WDR41: variants seen among roughly 807,000 people sequenced by gnomAD.
WDR41 encodes WD repeat-containing protein 41.
Under a neutral mutation model 69.3 loss-of-function variants are expected in WDR41, and 63 were observed. The ratio of observed to expected loss-of-function variants is 0.91; its 90% CI spans 0.74 to 1.12. The LOEUF (loss-of-function observed/expected upper bound fraction) is 1.12, where lower values mean the gene tolerates loss of function less well. Among genes scored for constraint, WDR41 ranks in the 50% most tolerant of loss-of-function variants. The pLI is 0.00. For missense variants in WDR41, 543 were observed against 534.5 expected, an observed-to-expected ratio of 1.02 and a Z score of -0.16; for synonymous variants, 185 against 192.1, an observed-to-expected ratio of 0.96 and a Z score of 0.31.
At chr5:77,589,027 C>T (rs1471096556) in intron 1 of WDR41, among the ~76,000 whole-genome samples, 1 of 152,028 alleles carries the variant, frequency 6.6e-6, no homozygotes, top group Non-Finnish European at 1.5e-5. Context: ...CACTTGATCA[C>T]AAAAAGGACA....
intron 5 of WDR41, among the ~76,000 whole-genome samples, chr5:77,458,403 A>G (rs1011959442): frequency 6.6e-6 from 1 of 152,128 alleles, no homozygotes. Context: ...CCTTAAAGTA[A>G]ATGAGGGAAC....
chr5:77,494,825 A>G (rs152953), upstream of WDR41, among the ~76,000 whole-genome samples: 89,795 of 151,988 alleles, frequency 0.59, 27,802 homozygotes, highest in African/African-American at 0.77. Flanking sequence ...TAAAGAACAC[A>G]CTACCCAACA....
At chr5:77,509,548 G>A (rs543858494) in intron 1 of WDR41, among the ~76,000 whole-genome samples, 11 of 152,148 alleles carry the variant, frequency 7.2e-5, no homozygotes, top group Admixed American at 1.3e-4. Flanking sequence ...CACAGGCTGC[G>A]ACATTGATGA....
intron 1 of WDR41, among the ~76,000 whole-genome samples, chr5:77,579,253 A>G (rs1743891472): frequency 6.6e-6 from 1 of 152,172 alleles, no homozygotes; most frequent in Non-Finnish European, 1.5e-5. Context: ...CAATGGCTGA[A>G]GCCTTCTCAA....
At chr5:77,551,965 C>T (rs534222025) in intron 1 of WDR41, among the ~76,000 whole-genome samples, 22 of 147,080 alleles carry the variant, frequency 1.5e-4, no homozygotes, top group African/African-American at 5.7e-4. Context: ...GGCAACAGAG[C>T]AAGACTCTGT....
intron 1 of WDR41, among the ~76,000 whole-genome samples, chr5:77,531,489 G>C (rs545427081): frequency 3.9e-4 from 60 of 151,952 alleles, no homozygotes; most frequent in African/African-American, 1.4e-3. Context: ...AACCAAGAAA[G>C]ACAGACAATA....
At chr5:77,585,842 G>A (rs145592655) in intron 1 of WDR41, among the ~76,000 whole-genome samples, 47 of 152,220 alleles carry the variant, frequency 3.1e-4, no homozygotes, top group Non-Finnish European at 5.7e-4. Context: ...GGAGGAGGGC[G>A]AGGGATAAAA....
chr5:77,512,223 T>C (rs1294097876), intron 1 of WDR41, among the ~76,000 whole-genome samples: 2 of 152,130 alleles, frequency 1.3e-5, no homozygotes, highest in African/African-American at 4.8e-5. Context: ...GAAGCTAATA[T>C]AATTGGCATA....
At chr5:77,546,439 T>C (rs1743200485) in intron 1 of WDR41, among the ~76,000 whole-genome samples, 1 of 152,010 alleles carries the variant, frequency 6.6e-6, no homozygotes, top group Non-Finnish European at 1.5e-5. Context: ...ATGGGAGATA[T>C]TACAACTGAC....
chr5:77,454,157 C>CT (rs1241067880), intron 5 of WDR41, among the ~76,000 whole-genome samples: 1 of 152,166 alleles, frequency 6.6e-6, no homozygotes, highest in Non-Finnish European at 1.5e-5. Flanking sequence ...ATACTGTGGC[C>CT]TCCTCCTTGT....
chr5:77,481,801 AAAAAAAAG>A (rs1801281693), intron 2 of WDR41, among the ~76,000 whole-genome samples: 1 of 151,692 alleles, frequency 6.6e-6, no homozygotes, highest in Admixed American at 6.6e-5. Context: ...AAAAAAAAAA[AAAAAAAAG>A]AGCCATATCT....
At chr5:77,583,190 A>T (rs1305528235) in intron 1 of WDR41, 153 of 445,872 alleles carry the variant, frequency 3.4e-4, no homozygotes, top group South Asian at 1.6e-3. Flanking sequence ...AAATTGAAAT[A>T]AAAAAAAAAA....
At chr5:77,506,140 T>C (rs1315022461) in intron 1 of WDR41, among the ~76,000 whole-genome samples, 5 of 152,166 alleles carry the variant, frequency 3.3e-5, no homozygotes, top group Non-Finnish European at 7.3e-5. Flanking sequence ...TCTATCCATC[T>C]GACAAAGGGC....
At position 77,451,339 on chromosome 5, in the gene WDR41, C is replaced by A; in HGVS notation, c.538G>T (p.Val180Phe). The change falls in exon 7 of 13, where the codon GTT becomes TTT. Residue 180 changes from valine to phenylalanine, a missense_variant. Val to Phe is a conservative substitution (Grantham distance 50). Coordinates refer to ENST00000296679, the MANE Select transcript of WDR41 (RefSeq NM_018268.4). ...ACAACACAGTTCTTAGGTATTTCAA[C>A]CAAAGCACTAATACCTCCAAAAACA... Reference protein sequence around the residue: ...HLSDTGISALVEIPKNCVVAA... With the variant: ...HLSDTGISALFEIPKNCVVAA... 1.2e-6 allele frequency: 2 copies of A among 1,613,626 alleles called. No individual in the cohort carries two copies. The highest frequency in any genetic ancestry group is 1.7e-6 in the Non-Finnish European group (2 of 1,179,704).
chr5:77,462,107 A>C (rs902029665), intron 4 of WDR41, among the ~76,000 whole-genome samples: 2 of 151,876 alleles, frequency 1.3e-5, no homozygotes, highest in Non-Finnish European at 2.9e-5. Context: ...TTCATCTGTA[A>C]ATAAGAATAA....
chr5:77,579,588 A>G (rs528976624), intron 1 of WDR41, among the ~76,000 whole-genome samples: 44 of 152,338 alleles, frequency 2.9e-4, no homozygotes, highest in African/African-American at 1.0e-3. Context: ...GCTATCTTTC[A>G]AAAAAGAAGT....
chr5:77,502,685 T>C (rs1179528839), intron 1 of WDR41, among the ~76,000 whole-genome samples: 1 of 152,222 alleles, frequency 6.6e-6, no homozygotes, highest in Non-Finnish European at 1.5e-5. Flanking sequence ...GGAGAAACCC[T>C]ATAAGCCAGA....
Position 77,531,685 on chromosome 5 carries a change from C to A in WDR41, c.43-42113G>T, listed in dbSNP as rs1217718429. Among the ~76,000 whole-genome samples the A allele has an allele frequency of 2.6e-5, 4 of 152,044 alleles. No homozygotes were observed. In the South Asian group the frequency reaches 8.3e-4, roughly 32 times the overall value. On this transcript the variant is annotated intron_variant, in intron 1 of 5. Transcript: ENST00000509971. ...TACTCATACGAATATTTGTACATAG[C>A]AGCATTATTCAAAATAGCCTAAATG...
At chr5:77,433,937 G>C (rs1798832567) in intron 12 of WDR41, among the ~76,000 whole-genome samples, 1 of 152,226 alleles carries the variant, frequency 6.6e-6, no homozygotes, top group Non-Finnish European at 1.5e-5. Context: ...GGAAAACAGA[G>C]TGTTGACAAA....
Sources: allele counts gnomAD v4.1 joint callset (sites outside exome capture counted in the v4.1 genomes callset), GRCh38; gene constraint gnomAD v4.1.1; transcripts MANE v1.5; gene names NCBI Gene and HGNC (gene_info 2026-07-23, HGNC 2026-07-21).